The following PPM1E variants were observed in gnomAD, a reference collection of about 807,000 sequenced individuals.
PPM1E encodes protein phosphatase 1E.
A neutral mutation model predicts 65.9 loss-of-function variants in PPM1E; 20 were observed. The ratio of observed to expected loss-of-function variants is 0.30; its 90% CI spans 0.21 to 0.44. PPM1E has a LOEUF of 0.44. Among genes scored for constraint, PPM1E ranks in the 20% least tolerant of loss-of-function variants. The pLI is 1.00. For synonymous variants in PPM1E, 352 were observed against 374.9 expected (o/e 0.94, Z 0.70); for missense variants, 713 against 953.1 (o/e 0.75, Z 3.32).
At chr17:58,862,079 G>A (rs2050948511) in intron 1 of PPM1E, among the ~76,000 whole-genome samples, 1 of 152,150 alleles carries the variant, frequency 6.6e-6, no homozygotes, top group South Asian at 2.1e-4. Flanking sequence ...TGCCTTACAA[G>A]GCCATTACAA....
chr17:58,917,541 A>T (rs1261807608), intron 1 of PPM1E, among the ~76,000 whole-genome samples: 1 of 152,252 alleles, frequency 6.6e-6, no homozygotes, highest in Non-Finnish European at 1.5e-5. Context: ...GGAAATAGAC[A>T]GTAGCTCTCT....
intron 1 of PPM1E, among the ~76,000 whole-genome samples, chr17:58,821,050 A>G (rs988846312): frequency 4.6e-5 from 7 of 152,182 alleles, no homozygotes; most frequent in Admixed American, 1.3e-4. Context: ...GATTATTATT[A>G]TATATAATTA....
chr17:58,976,511 G>C (rs2031003248), intron 6 of PPM1E, among the ~76,000 whole-genome samples: 1 of 152,194 alleles, frequency 6.6e-6, no homozygotes, highest in South Asian at 2.1e-4. Context: ...ACTCAGGAAA[G>C]AAATGATACT....
At chr17:58,969,869 T>A in intron 4 of PPM1E, 142 bp downstream of exon 4, 1 of 793,266 alleles carries the variant, frequency 1.3e-6, no homozygotes, top group Non-Finnish European at 2.0e-6. Context: ...TATTGGATTC[T>A]GTTGTAGTTC....
chr17:58,972,543 G>A (rs938736608), intron 5 of PPM1E, among the ~76,000 whole-genome samples: 1 of 152,110 alleles, frequency 6.6e-6, no homozygotes, highest in Admixed American at 6.5e-5. Context: ...TAGAGACGGG[G>A]TTTCACCATG....
In PPM1E at chr17:58,859,027, A is replaced by G. The variant is rs568545155; in HGVS notation, c.465-96622A>G. 4.6e-5 allele frequency among the ~76,000 whole-genome samples: 7 copies of G among 152,344 alleles called. No homozygotes were observed. In the South Asian group the frequency reaches 1.2e-3, roughly 27 times the overall value. Reference sequence around the variant, plus strand: ...AGTATAGCGTTTATTCAAGTGCGAAACTTGAGGATAGCCACATGGGAAACA... The same window carrying G: ...AGTATAGCGTTTATTCAAGTGCGAAGCTTGAGGATAGCCACATGGGAAACA... On this transcript the variant is annotated intron_variant, in intron 1 of 6. Coordinates refer to ENST00000308249, the MANE Select transcript of PPM1E (RefSeq NM_014906.5).
chr17:58,896,641 T>C (rs1052055249), intron 1 of PPM1E, among the ~76,000 whole-genome samples: 1 of 152,062 alleles, frequency 6.6e-6, no homozygotes, highest in Non-Finnish European at 1.5e-5. Flanking sequence ...CAGAGGTTGG[T>C]ACATGAGGTT....
At chr17:58,801,201 C>A (rs957156380) in intron 1 of PPM1E, among the ~76,000 whole-genome samples, 1 of 152,002 alleles carries the variant, frequency 6.6e-6, no homozygotes, top group Non-Finnish European at 1.5e-5. Flanking sequence ...TTTTTCAAAT[C>A]GTATACGTTT....
At chr17:58,930,122 G>A (rs866133676) in intron 1 of PPM1E, among the ~76,000 whole-genome samples, 21 of 151,946 alleles carry the variant, frequency 1.4e-4, no homozygotes, top group African/African-American at 4.1e-4. Flanking sequence ...TGGGCTGGGC[G>A]CGGTGGCTCA....
At chr17:58,947,152 C>A (rs1598668730) in intron 1 of PPM1E, among the ~76,000 whole-genome samples, 1 of 83,632 alleles carries the variant, frequency 1.2e-5, no homozygotes, top group Non-Finnish European at 2.1e-5. Flanking sequence ...CAGTCTTGCT[C>A]TGTTGCCCAG....
chr17:58,930,921 T>C (rs1351576884), intron 1 of PPM1E, among the ~76,000 whole-genome samples: 1 of 151,822 alleles, frequency 6.6e-6, no homozygotes, highest in Non-Finnish European at 1.5e-5. Flanking sequence ...CAGAAACAAA[T>C]GCAGACTTGA....
intron 1 of PPM1E, among the ~76,000 whole-genome samples, chr17:58,822,575 T>C (rs2050492117): frequency 6.6e-6 from 1 of 152,086 alleles, no homozygotes; most frequent in Non-Finnish European, 1.5e-5. Context: ...GATTAAGTGT[T>C]TACTAAAAAT....
intron 1 of PPM1E, among the ~76,000 whole-genome samples, chr17:58,941,413 T>C (rs1256743445): frequency 6.6e-6 from 1 of 152,082 alleles, no homozygotes; most frequent in Non-Finnish European, 1.5e-5. Flanking sequence ...ATGCTGGTCA[T>C]GCTGGGTGCA....
intron 1 of PPM1E, among the ~76,000 whole-genome samples, chr17:58,766,966 T>A (rs1403333947): frequency 6.6e-6 from 1 of 152,186 alleles, no homozygotes; most frequent in Non-Finnish European, 1.5e-5. Context: ...GAAAGTTAAC[T>A]ATAATCTAGA....
At position 58,972,902 on chromosome 17, in the gene PPM1E, G is replaced by T; in HGVS notation, c.1187G>T (p.Ser396Ile). 1 of 1,613,096 alleles carries T rather than the reference G, an allele frequency of 6.2e-7. No individual in the cohort carries two copies. Among genetic ancestry groups the T allele is most frequent in the Non-Finnish European group, 8.5e-7 (1 of 1,179,166 alleles). Residue 396 changes from serine (S) to isoleucine (I), a missense_variant, in exon 6 of 7, where the codon AGT becomes ATT. Transcript: ENST00000308249. ...VWFGAWRVNG[S>I]LSVSRAIGDA... is the part of the protein sequence containing the mutation. ...TTTGGTGCCTGGAGGGTGAATGGAA[G>T]TCTGTCGGTTTCCAGAGCTATTGGT...
At chr17:58,785,620 T>G (rs1216348206) in intron 1 of PPM1E, 1 of 151,332 alleles carries the variant, frequency 6.6e-6, no homozygotes, top group Non-Finnish European at 1.5e-5. Context: ...ATAACTTTTA[T>G]TTTTTATAAA....
intron 1 of PPM1E, among the ~76,000 whole-genome samples, chr17:58,904,491 A>G (rs2051533058): frequency 6.6e-6 from 1 of 152,188 alleles, no homozygotes. Context: ...CTCATAGGCG[A>G]ATGACTATCC....
At chr17:58,969,517 T>C (rs1385552665) in intron 3 of PPM1E, 22 bp from the exon 4 acceptor site, 1 of 1,613,212 alleles carries the variant, frequency 6.2e-7, no homozygotes, top group Non-Finnish European at 8.5e-7. Flanking sequence ...CTCCCATAAC[T>C]GTTCTGTGTT....
At chr17:58,868,380 T>A (rs552272883) in intron 1 of PPM1E, among the ~76,000 whole-genome samples, 1 of 152,166 alleles carries the variant, frequency 6.6e-6, no homozygotes, top group East Asian at 1.9e-4. Flanking sequence ...AAAAAAAAAT[T>A]TTTTTTAATT....
Sources: gnomAD v4.1 joint callset for allele counts (sites outside exome capture counted in the v4.1 genomes callset) on GRCh38, gnomAD v4.1.1 for gene constraint, MANE v1.5 for transcripts, NCBI Gene and HGNC (gene_info 2026-07-23, HGNC 2026-07-21) for gene names.